Variants in HFM1 observed in about 807,000 individuals in gnomAD.
HFM1 encodes the protein probable ATP-dependent DNA helicase HFM1.
In HFM1, 169 loss-of-function variants were observed where a neutral mutation model predicts 192.1. That is an observed-to-expected ratio of 0.88 (90% CI 0.78 to 1.00). HFM1 has a LOEUF of 1.00. Ranked by LOEUF, HFM1 falls within the 50% of genes least tolerant of loss-of-function variation. The probability of loss-of-function intolerance (pLI) is 0.00; values close to 1 mark genes in which losing one functional copy is unlikely to be tolerated. For synonymous variants in HFM1, 525 were observed against 537.8 expected (o/e 0.98, Z 0.33); for missense variants, 1,661 against 1,668.0 (o/e 1.00, Z 0.07).
intron 34 of HFM1, among the ~76,000 whole-genome samples, chr1:91,268,528 A>G (rs1195484303): frequency 6.6e-6 from 1 of 151,960 alleles, no homozygotes; most frequent in East Asian, 1.9e-4. Context: ...TACCTACCTC[A>G]AAAGATTGTT....
At chr1:91,389,160 T>C (rs1424365255) in intron 4 of HFM1, among the ~76,000 whole-genome samples, 1 of 120,808 alleles carries the variant, frequency 8.3e-6, no homozygotes, top group African/African-American at 3.2e-5. Context: ...TTTTTGAGAT[T>C]GAGTCTGGCT....
At chr1:91,303,827 C>T (rs1346614001) in intron 30 of HFM1, among the ~76,000 whole-genome samples, 1 of 152,124 alleles carries the variant, frequency 6.6e-6, no homozygotes, top group Non-Finnish European at 1.5e-5. Flanking sequence ...AATGTCTATG[C>T]AGATCCCTTG....
At chr1:91,283,929 T>C (rs1667694022) in intron 30 of HFM1, among the ~76,000 whole-genome samples, 1 of 152,172 alleles carries the variant, frequency 6.6e-6, no homozygotes, top group South Asian at 2.1e-4. Flanking sequence ...AGTATTACTT[T>C]CACTTTTGCA....
chr1:91,288,536 G>A (rs1668302852), intron 30 of HFM1, among the ~76,000 whole-genome samples: 1 of 152,032 alleles, frequency 6.6e-6, no homozygotes, highest in Non-Finnish European at 1.5e-5. Flanking sequence ...GCCTTCCCTA[G>A]TGTTTGTGTC....
At chr1:91,296,300 C>T (rs72726278) in intron 30 of HFM1, among the ~76,000 whole-genome samples, 15,617 of 152,204 alleles carry the variant, frequency 0.1, 897 homozygotes, top group Middle Eastern at 0.16. Flanking sequence ...AACTGCATGG[C>T]ACTTCACCTT....
At position 91,380,239 on chromosome 1, in the gene HFM1, A is replaced by T; in HGVS notation, c.874-3T>A. On this transcript the variant is annotated splice_polypyrimidine_tract_variant and splice_region_variant and intron_variant, in intron 7 of 38. Coordinates refer to ENST00000370425, the MANE Select transcript of HFM1 (RefSeq NM_001017975.6). ...AAATTCCTATCTGTGTAAAGAAGCTAAAAAATAAAAAGTAATCAATCATGT... is the reference window on the plus strand; with the variant it reads ...AAATTCCTATCTGTGTAAAGAAGCTTAAAAATAAAAAGTAATCAATCATGT... 1.3e-6 allele frequency: 2 copies of T among 1,509,784 alleles called. No individual in the cohort carries two copies. Among genetic ancestry groups the T allele is most frequent in the South Asian group, 2.6e-5 (2 of 76,472 alleles). The allele number at this position is 1,509,784 out of a possible 1,614,324, so 93.5% of individuals were successfully genotyped here.
intron 11 of HFM1, 124 bp downstream of exon 11, chr1:91,377,901 T>C: frequency 2.3e-6 from 2 of 881,684 alleles, no homozygotes; most frequent in Non-Finnish European, 3.6e-6. Flanking sequence ...TAGCCACAAC[T>C]TTCTACAACA....
chr1:91,319,077 C>T lies in HFM1; in HGVS notation c.2812+1G>A. 1 of 1,587,912 alleles carries T rather than the reference C, an allele frequency of 6.3e-7. No individual in the cohort carries two copies. The highest frequency in any genetic ancestry group is 8.5e-7 in the Non-Finnish European group (1 of 1,172,970). ...ACTGCCTGCCTGTATTCAGTACCTACCAATTTTTTCCAGTTGTTTGGATAC... is the reference window on the plus strand; with the variant it reads ...ACTGCCTGCCTGTATTCAGTACCTATCAATTTTTTCCAGTTGTTTGGATAC... On this transcript the variant is annotated splice_donor_variant, in intron 25 of 38. Transcript: ENST00000370425. LOFTEE classifies it high-confidence loss of function.
intron 4 of HFM1, among the ~76,000 whole-genome samples, chr1:91,388,231 T>C (rs1166462065): frequency 6.6e-6 from 1 of 152,174 alleles, no homozygotes; most frequent in Non-Finnish European, 1.5e-5. Context: ...GATGGGGTCA[T>C]GGGAAGCCTC....
chr1:91,265,948 C>T (rs1477497279), intron 36 of HFM1, 69 bp downstream of exon 36: 2 of 1,554,982 alleles, frequency 1.3e-6, no homozygotes, highest in Non-Finnish European at 1.7e-6. Context: ...TAACTTGATC[C>T]CCATCTCCAA....
intron 36 of HFM1, 38 bp downstream of exon 36, chr1:91,265,979 A>C: frequency 6.3e-7 from 1 of 1,584,548 alleles, no homozygotes; most frequent in Non-Finnish European, 8.5e-7. Context: ...AGGGGATATA[A>C]AGTTGCAAAT....
chr1:91,278,598 C>G (rs1227991911), intron 30 of HFM1, among the ~76,000 whole-genome samples: 1 of 152,184 alleles, frequency 6.6e-6, no homozygotes. Flanking sequence ...CTTTACTCTT[C>G]ATTTTCGGTA....
At chr1:91,364,300 G>A (rs1454429925) in intron 13 of HFM1, among the ~76,000 whole-genome samples, 1 of 151,942 alleles carries the variant, frequency 6.6e-6, no homozygotes, top group Non-Finnish European at 1.5e-5. Flanking sequence ...ACAAATACAG[G>A]TGATGGTGTG....
At chr1:91,343,856 G>A (rs760235304) in intron 19 of HFM1, among the ~76,000 whole-genome samples, 61 of 152,108 alleles carry the variant, frequency 4.0e-4, no homozygotes, top group Admixed American at 1.3e-3. Flanking sequence ...TATAGGTTAG[G>A]AAACTAAAGA....
At chr1:91,299,390 A>T (rs1648284938) in intron 30 of HFM1, among the ~76,000 whole-genome samples, 1 of 152,190 alleles carries the variant, frequency 6.6e-6, no homozygotes, top group South Asian at 2.1e-4. Context: ...CAGAACGTTA[A>T]AAAGGATATC....
chr1:91,356,221 C>T (rs184275917), intron 13 of HFM1, among the ~76,000 whole-genome samples: 25 of 151,042 alleles, frequency 1.7e-4, no homozygotes, highest in Non-Finnish European at 2.8e-4. Context: ...CTATGAGATG[C>T]AGCAAAAGTG....
intron 36 of HFM1, among the ~76,000 whole-genome samples, chr1:91,265,381 A>C (rs776022420): frequency 5.7e-4 from 87 of 152,208 alleles, no homozygotes; most frequent in Non-Finnish European, 7.2e-4. Flanking sequence ...AAGTCAGAAT[A>C]TTTTATAACA....
chr1:91,358,896 T>G (rs956454156), intron 13 of HFM1, among the ~76,000 whole-genome samples: 3 of 152,136 alleles, frequency 2.0e-5, no homozygotes, highest in Non-Finnish European at 2.9e-5. Context: ...GGATGGAGCT[T>G]CTAGAGGAAG....
rs558803549 is a variant in HFM1 at position 91,340,315 on chromosome 1, A to T, written c.2335+3115T>A. 3.9e-5 allele frequency among the ~76,000 whole-genome samples: 6 copies of T among 152,292 alleles called. No individual in the cohort carries two copies. In the South Asian group the frequency reaches 1.2e-3, roughly 32 times the overall value. The stretch of plus-strand genomic sequence containing the variant: ...ACAAGCCACTGTGCCCAGCCTTGGC[A>T]TTCTTAAAGAAAAGAAACTCCAACC... On this transcript the variant is annotated intron_variant, in intron 20 of 38. Coordinates refer to ENST00000370425, the MANE Select transcript of HFM1 (RefSeq NM_001017975.6).
Sources: gnomAD v4.1 joint callset for allele counts (sites outside exome capture counted in the v4.1 genomes callset) on GRCh38, gnomAD v4.1.1 for gene constraint, MANE v1.5 for transcripts, NCBI Gene and HGNC (gene_info 2026-07-23, HGNC 2026-07-21) for gene names.